LMNTD1: variants seen among roughly 807,000 people sequenced by gnomAD.
LMNTD1 encodes lamin tail domain containing 1, also known as lamin tail domain-containing protein 1.
In LMNTD1, 35 loss-of-function variants were observed where a neutral mutation model predicts 50.9. The observed-to-expected ratio is 0.69, with a 90% CI of 0.53 to 0.91. The LOEUF is 0.91. Among genes scored for constraint, LMNTD1 ranks in the 40% least tolerant of loss-of-function variants. The pLI, the probability that LMNTD1 is intolerant of heterozygous loss-of-function variation, is 0.00. For synonymous variants in LMNTD1, 153 were observed against 161.9 expected (o/e 0.94, Z 0.42); for missense variants, 470 against 475.5 (o/e 0.99, Z 0.11).
chr12:25,597,679 A>G (rs1011128415), intron 1 of LMNTD1, among the ~76,000 whole-genome samples: 2 of 152,160 alleles, frequency 1.3e-5, no homozygotes, highest in Admixed American at 6.6e-5. Flanking sequence ...TTTTCACCCA[A>G]TGGCTGCAGA....
chr12:25,641,845 T>C (rs1164923871), intron 1 of LMNTD1, among the ~76,000 whole-genome samples: 1 of 152,124 alleles, frequency 6.6e-6, no homozygotes, highest in East Asian at 1.9e-4. Flanking sequence ...TTTCCCATCC[T>C]AATTTTTTTT....
upstream of LMNTD1, among the ~76,000 whole-genome samples, chr12:25,554,925 G>T (rs2136274547): frequency 6.6e-6 from 1 of 152,212 alleles, no homozygotes; most frequent in East Asian, 1.9e-4. Context: ...AATCAGCTGG[G>T]TGTGGTGGCG....
At chr12:25,622,366 C>T (rs1465891160) in intron 1 of LMNTD1, among the ~76,000 whole-genome samples, 3 of 151,528 alleles carry the variant, frequency 2.0e-5, no homozygotes, top group East Asian at 1.9e-4. Context: ...AACAATGGTA[C>T]AGCCTGTGAA....
At chr12:25,586,785 TG>T (rs1272078543) in intron 1 of LMNTD1, among the ~76,000 whole-genome samples, 7 of 152,220 alleles carry the variant, frequency 4.6e-5, no homozygotes, top group African/African-American at 1.7e-4. Flanking sequence ...GCTTTTTAAG[TG>T]GTGAGTTACT....
chr12:25,600,286 C>T (rs1335757331), intron 1 of LMNTD1, among the ~76,000 whole-genome samples: 1 of 151,998 alleles, frequency 6.6e-6, no homozygotes, highest in Non-Finnish European at 1.5e-5. Context: ...TCACCACATA[C>T]AAAACCACAA....
intron 1 of LMNTD1, among the ~76,000 whole-genome samples, chr12:25,567,310 T>A (rs1361617049): frequency 6.6e-6 from 1 of 152,222 alleles, no homozygotes; most frequent in Non-Finnish European, 1.5e-5. Context: ...TGTTGTACTG[T>A]TTGCTTCTGT....
intron 1 of LMNTD1, among the ~76,000 whole-genome samples, chr12:25,635,275 T>C (rs7964248): frequency 0.62 from 91,225 of 147,022 alleles, 28,685 homozygotes; most frequent in Non-Finnish European, 0.68. Context: ...AAGAATTCAG[T>C]AAATCAGCAA....
rs143130723 is a variant in LMNTD1, at chr12:25,642,690, C to T, written c.58+5804G>A. Reference sequence around the variant, plus strand: ...CAAAAAATATTTAAACTTGTTCAATCTTTTAAAATCTTTTAATCTCTTTTA... The same window carrying T: ...CAAAAAATATTTAAACTTGTTCAATTTTTTAAAATCTTTTAATCTCTTTTA... On this transcript the variant is annotated intron_variant, in intron 1 of 7. Transcript: ENST00000445693. 4.1e-3 allele frequency among the ~76,000 whole-genome samples: 623 copies of T among 152,284 alleles called. 1 individual carries two copies. The highest frequency in any genetic ancestry group is 0.014 in the African/African-American group (582 of 41,564).
chr12:25,572,103 G>A (rs1033597262), intron 1 of LMNTD1, among the ~76,000 whole-genome samples: 1 of 152,206 alleles, frequency 6.6e-6, no homozygotes, highest in Non-Finnish European at 1.5e-5. Flanking sequence ...TTTGCTATGA[G>A]AACTTATGTA....
chr12:25,543,500 A>G (rs1338130728), intron 4 of LMNTD1, among the ~76,000 whole-genome samples: 1 of 152,074 alleles, frequency 6.6e-6, no homozygotes, highest in East Asian at 1.9e-4. Flanking sequence ...CTAGATGCAT[A>G]GAAAGTATTT....
At chr12:25,622,109 G>A (rs1369613578) in intron 1 of LMNTD1, among the ~76,000 whole-genome samples, 2 of 152,228 alleles carry the variant, frequency 1.3e-5, no homozygotes, top group African/African-American at 4.8e-5. Context: ...GAGAGGAACA[G>A]CCCCAATGTT....
Position 25,553,211 on chromosome 12 carries a change from G to T in LMNTD1, c.-173C>A. On this transcript the variant is annotated 5_prime_UTR_variant, in exon 1 of 10. Transcript: ENST00000458174. ...TGGCTAAGGATGTCGGACAAACCAT[G>T]GTGCAGGTGTGTAGCATTCACTGGA... 2 of 1,551,652 alleles carry T rather than the reference G, an allele frequency of 1.3e-6. No homozygotes were observed. The highest frequency in any genetic ancestry group is 1.4e-5 in the African/African-American group (1 of 73,044).
At chr12:25,536,581 A>G (rs1942589414) in intron 4 of LMNTD1, among the ~76,000 whole-genome samples, 1 of 152,244 alleles carries the variant, frequency 6.6e-6, no homozygotes, top group Admixed American at 6.5e-5. Context: ...GGATGCCACT[A>G]AGCTGTACTT....
chr12:25,496,914 T>C (rs994766718), intron 9 of LMNTD1, among the ~76,000 whole-genome samples: 8 of 152,110 alleles, frequency 5.3e-5, no homozygotes, highest in African/African-American at 1.9e-4. Context: ...TGTTATACTT[T>C]CCATCTCTAT....
intron 1 of LMNTD1, among the ~76,000 whole-genome samples, chr12:25,622,463 G>C (rs1592113808): frequency 1.8e-5 from 2 of 111,148 alleles, no homozygotes; most frequent in Non-Finnish European, 4.0e-5. Context: ...GAGTTTGTGA[G>C]CCCGCCCCCC....
intron 8 of LMNTD1, among the ~76,000 whole-genome samples, chr12:25,510,607 T>C (rs987544648): frequency 6.6e-6 from 1 of 152,170 alleles, no homozygotes; most frequent in African/African-American, 2.4e-5. Context: ...AGTCTTTCTC[T>C]CTAATCTTTT....
chr12:25,546,687 CTT>C, intron 3 of LMNTD1, 133 bp from the exon 4 acceptor site: 1 of 480,134 alleles, frequency 2.1e-6, no homozygotes, highest in Non-Finnish European at 3.4e-6. Flanking sequence ...CACTATCAAA[CTT>C]AATGAGAATA....
At chr12:25,544,790 G>T (rs1943322069) in intron 4 of LMNTD1, among the ~76,000 whole-genome samples, 1 of 151,396 alleles carries the variant, frequency 6.6e-6, no homozygotes, top group Non-Finnish European at 1.5e-5. Context: ...TTAAAGAGAT[G>T]AATACTTACC....
At chr12:25,616,056 C>G (rs1371017533) in intron 1 of LMNTD1, among the ~76,000 whole-genome samples, 1 of 151,276 alleles carries the variant, frequency 6.6e-6, no homozygotes, top group Non-Finnish European at 1.5e-5. Context: ...GTAGGGGAGA[C>G]AGACTATACC....
Sources: gnomAD v4.1 joint callset for allele counts (sites outside exome capture counted in the v4.1 genomes callset) on GRCh38, gnomAD v4.1.1 for gene constraint, MANE v1.5 for transcripts, NCBI Gene and HGNC (gene_info 2026-07-23, HGNC 2026-07-21) for gene names.